Variants in SLC2A9 observed in about 807,000 individuals in gnomAD.
SLC2A9 encodes the protein solute carrier family 2 member 9, also known as solute carrier family 2, facilitated glucose transporter member 9.
In SLC2A9, 39 loss-of-function variants were observed where a neutral mutation model predicts 50.6. That is an observed-to-expected ratio of 0.77 (90% CI 0.60 to 1.01). The LOEUF (loss-of-function observed/expected upper bound fraction) is 1.01. Ranked by LOEUF, SLC2A9 falls within the 50% of genes least tolerant of loss-of-function variation. The pLI, the probability that SLC2A9 is intolerant of heterozygous loss-of-function variation, is 0.00. For synonymous variants in SLC2A9, 324 were observed against 276.9 expected (o/e 1.17, Z -1.69); for missense variants, 686 against 677.6 (o/e 1.01, Z -0.14).
intron 6 of SLC2A9, among the ~76,000 whole-genome samples, chr4:9,939,594 G>GT (rs34540530): frequency 3.1e-4 from 46 of 146,358 alleles, no homozygotes; most frequent in Admixed American, 2.7e-4. Context: ...CCCATCCTTG[G>GT]TTTTTTTTTT....
intron 7 of SLC2A9, among the ~76,000 whole-genome samples, chr4:9,914,358 G>C (rs547404816): frequency 6.6e-6 from 1 of 152,306 alleles, no homozygotes; most frequent in South Asian, 2.1e-4. Flanking sequence ...CTCTCTCTCA[G>C]CAGAGCTGCT....
chr4:9,882,664 G>A (rs530797125), intron 10 of SLC2A9, among the ~76,000 whole-genome samples: 10 of 149,526 alleles, frequency 6.7e-5, no homozygotes, highest in East Asian at 2.0e-4. Context: ...AGCTGAGATC[G>A]CGTCACTGCA....
intron 10 of SLC2A9, among the ~76,000 whole-genome samples, chr4:9,852,442 C>T (rs1277374109): frequency 3.3e-5 from 5 of 151,530 alleles, no homozygotes; most frequent in South Asian, 2.1e-4. Context: ...TTAGTAGAGA[C>T]GGGGTTTCAC....
In SLC2A9 at chr4:9,802,389, C is replaced by T. The variant is rs57904542; in HGVS notation, n.421-3148G>A. 5.8e-3 allele frequency among the ~76,000 whole-genome samples: 877 copies of T among 151,694 alleles called. 30 individuals carry two copies. In the East Asian group the frequency reaches 0.081, roughly 14 times the overall value. On this transcript the variant is annotated intron_variant and non_coding_transcript_variant, in intron 3 of 3. Coordinates refer to the SLC2A9 transcript ENST00000503280. ...TGGGTCTGCAGGCTGGCCCCTGCAG[C>T]GCCTCCCCAGGACATTCAGGGACAG...
intron 5 of SLC2A9, among the ~76,000 whole-genome samples, chr4:9,942,892 C>G (rs866999657): frequency 6.6e-6 from 1 of 152,228 alleles, no homozygotes; most frequent in Non-Finnish European, 1.5e-5. Context: ...TCCTCAATGC[C>G]ACATCCTTGA....
chr4:9,912,668 G>A (rs527511647), intron 7 of SLC2A9, among the ~76,000 whole-genome samples: 1 of 152,342 alleles, frequency 6.6e-6, no homozygotes, highest in Non-Finnish European at 1.5e-5. Context: ...CCTAGAACAA[G>A]GTGATACTGA....
upstream of SLC2A9, among the ~76,000 whole-genome samples, chr4:10,022,672 A>C (rs1763585826): frequency 6.6e-6 from 1 of 152,234 alleles, no homozygotes; most frequent in Non-Finnish European, 1.5e-5. Flanking sequence ...AGTCCACAAA[A>C]GAGAGATCGA....
intron 5 of SLC2A9, among the ~76,000 whole-genome samples, chr4:9,952,058 C>T (rs1275633271): frequency 1.3e-5 from 2 of 152,194 alleles, no homozygotes; most frequent in Non-Finnish European, 2.9e-5. Flanking sequence ...GAGGTTGGGT[C>T]CTGAACCCTG....
At chr4:9,782,425 C>T (rs1718564996) in intron 3 of SLC2A9, 6 of 1,614,012 alleles carry the variant, frequency 3.7e-6, no homozygotes, top group Non-Finnish European at 5.1e-6. Flanking sequence ...TGAACCTGTG[C>T]GTCATCAGCG....
chr4:9,787,568 C>G (rs548348083), intron 3 of SLC2A9, among the ~76,000 whole-genome samples: 1 of 152,322 alleles, frequency 6.6e-6, no homozygotes, highest in South Asian at 2.1e-4. Context: ...ACAGGGAATT[C>G]TCTCATCTCA....
chr4:10,004,760 T>C (rs1760465306), intron 2 of SLC2A9, among the ~76,000 whole-genome samples: 1 of 152,226 alleles, frequency 6.6e-6, no homozygotes, highest in South Asian at 2.1e-4. Flanking sequence ...ACCTGAGGCT[T>C]CAAGAAGGAG....
At chr4:9,836,374 T>C (rs1046966581) in intron 10 of SLC2A9, among the ~76,000 whole-genome samples, 1 of 152,000 alleles carries the variant, frequency 6.6e-6, no homozygotes, top group Admixed American at 6.6e-5. Flanking sequence ...TGATAAGCAT[T>C]CTGGAGGAGA....
intron 2 of SLC2A9, among the ~76,000 whole-genome samples, chr4:10,015,536 T>C (rs528900831): frequency 1.2e-3 from 177 of 152,316 alleles, no homozygotes; most frequent in African/African-American, 4.1e-3. Context: ...ATAGGGCATG[T>C]TGAAGCCCTA....
chr4:9,813,253 C>T, intron 3 of SLC2A9, among the ~76,000 whole-genome samples: 1 of 152,256 alleles, frequency 6.6e-6, no homozygotes, highest in East Asian at 1.9e-4. Flanking sequence ...GAGTCTAGAC[C>T]AAAACCATCA....
At chr4:9,998,919 A>T (rs1357014227) in intron 2 of SLC2A9, among the ~76,000 whole-genome samples, 1 of 152,240 alleles carries the variant, frequency 6.6e-6, no homozygotes, top group African/African-American at 2.4e-5. Flanking sequence ...GTCTGATTCC[A>T]TGTGTAAAAC....
chr4:9,788,339 G>T (rs887692197), intron 3 of SLC2A9, among the ~76,000 whole-genome samples: 18 of 146,160 alleles, frequency 1.2e-4, no homozygotes, highest in African/African-American at 4.6e-4. Flanking sequence ...AAAGTCATAT[G>T]CCACCATGCC....
At chr4:9,930,520 G>T (rs1322834406) in intron 6 of SLC2A9, among the ~76,000 whole-genome samples, 1 of 152,190 alleles carries the variant, frequency 6.6e-6, no homozygotes, top group Non-Finnish European at 1.5e-5. Flanking sequence ...GTCAGCTCGG[G>T]GCAGCGCTTG....
intron 10 of SLC2A9, among the ~76,000 whole-genome samples, chr4:9,863,190 G>A (rs768979269): frequency 7.2e-5 from 11 of 151,812 alleles, no homozygotes; most frequent in African/African-American, 1.9e-4. Context: ...TCTGTCACCC[G>A]GGCTGGAGTG....
chr4:9,991,102 G>A (rs1349896314), intron 3 of SLC2A9, among the ~76,000 whole-genome samples: 2 of 152,212 alleles, frequency 1.3e-5, no homozygotes, highest in Non-Finnish European at 2.9e-5. Flanking sequence ...CAAGTTGGGT[G>A]ACTCTGTGGT....
Sources: allele counts gnomAD v4.1 joint callset (sites outside exome capture counted in the v4.1 genomes callset), GRCh38; gene constraint gnomAD v4.1.1; transcripts MANE v1.5; gene names NCBI Gene and HGNC (gene_info 2026-07-23, HGNC 2026-07-21).